The following DOCK4 variants were observed in gnomAD, a reference collection of about 807,000 sequenced individuals.
DOCK4 encodes dedicator of cytokinesis protein 4.
DOCK4 carries 97 observed loss-of-function variants against 268.1 expected under a neutral mutation model. The observed-to-expected ratio is 0.36, with a 90% CI of 0.31 to 0.43. The LOEUF is 0.43. Ranked by LOEUF, DOCK4 falls within the 20% of genes least tolerant of loss-of-function variation. The probability of loss-of-function intolerance (pLI) is 1.00; values close to 1 mark genes in which losing one functional copy is unlikely to be tolerated. For synonymous variants in DOCK4, 954 were observed against 887.2 expected (o/e 1.08, Z -1.34); for missense variants, 2,145 against 2,455.7 (o/e 0.87, Z 2.67).
chr7:112,011,575 TAAC>T (rs1481562837), intron 1 of DOCK4, among the ~76,000 whole-genome samples: 33 of 151,426 alleles, frequency 2.2e-4, no homozygotes, highest in Admixed American at 1.8e-3. Flanking sequence ...GGAAGAGAAT[TAAC>T]AACATCAGGA....
chr7:111,787,749 A>G (rs1454012496), intron 32 of DOCK4, among the ~76,000 whole-genome samples: 1 of 152,214 alleles, frequency 6.6e-6, no homozygotes, highest in Admixed American at 6.5e-5. Context: ...ACTTGGGCAT[A>G]AATACAAACA....
intron 13 of DOCK4, among the ~76,000 whole-genome samples, chr7:111,905,651 C>T (rs890366981): frequency 2.0e-5 from 3 of 150,954 alleles, no homozygotes; most frequent in Non-Finnish European, 2.9e-5. Flanking sequence ...ACTGTCCCAG[C>T]GGCTTTATCT....
chr7:112,130,877 T>C (rs1339558648), intron 1 of DOCK4, among the ~76,000 whole-genome samples: 1 of 152,252 alleles, frequency 6.6e-6, no homozygotes, highest in African/African-American at 2.4e-5. Context: ...GCGTGGGCAG[T>C]AATTCACAGT....
chr7:112,092,990 T>C (rs1809774699), intron 1 of DOCK4, among the ~76,000 whole-genome samples: 1 of 152,134 alleles, frequency 6.6e-6, no homozygotes, highest in Non-Finnish European at 1.5e-5. Context: ...CAAACTTCAG[T>C]TTATCAATAG....
At chr7:111,958,627 G>A (rs1190098547) in intron 8 of DOCK4, among the ~76,000 whole-genome samples, 2 of 152,168 alleles carry the variant, frequency 1.3e-5, no homozygotes, top group Non-Finnish European at 2.9e-5. Flanking sequence ...AGCTTAGAGT[G>A]AAAGGGAAAG....
intron 27 of DOCK4, chr7:111,820,644 C>T (rs1425542840): frequency 1.3e-5 from 2 of 152,166 alleles, no homozygotes; most frequent in Non-Finnish European, 2.9e-5. Context: ...CAAAAAGCCA[C>T]ATGGTTGTTA....
chr7:112,018,085 A>C (rs1461153254), intron 1 of DOCK4, among the ~76,000 whole-genome samples: 1 of 135,376 alleles, frequency 7.4e-6, no homozygotes, highest in African/African-American at 2.7e-5. Context: ...GCTACTCAGG[A>C]GGCTGAGGCA....
intron 10 of DOCK4, 103 bp from the exon 11 acceptor site, chr7:111,940,345 G>C: frequency 6.7e-7 from 1 of 1,485,794 alleles, no homozygotes; most frequent in East Asian, 2.3e-5. Context: ...AAATGTAATT[G>C]GGCAATAAAG....
intron 1 of DOCK4, among the ~76,000 whole-genome samples, chr7:112,167,589 T>C (rs1164270681): frequency 6.6e-6 from 1 of 152,238 alleles, no homozygotes; most frequent in Non-Finnish European, 1.5e-5. Flanking sequence ...GATATTGTCA[T>C]ACATATTCAA....
At chr7:112,132,010 G>C in intron 1 of DOCK4, among the ~76,000 whole-genome samples, 1 of 152,208 alleles carries the variant, frequency 6.6e-6, no homozygotes, top group East Asian at 1.9e-4. Context: ...TTGTGAGCCT[G>C]AAAGGCTTTC....
chr7:111,873,630 A>G (rs1438845170), intron 17 of DOCK4, among the ~76,000 whole-genome samples: 6 of 152,156 alleles, frequency 3.9e-5, no homozygotes, highest in African/African-American at 1.4e-4. Context: ...AAAAACTCCA[A>G]ACCCCCCAAA....
At chr7:112,026,943 C>T (rs1286234270) in intron 1 of DOCK4, among the ~76,000 whole-genome samples, 2 of 152,086 alleles carry the variant, frequency 1.3e-5, no homozygotes, top group Non-Finnish European at 2.9e-5. Context: ...GAAAGTGACT[C>T]GAGGTGGGAG....
intron 1 of DOCK4, among the ~76,000 whole-genome samples, chr7:112,005,040 T>C (rs888796956): frequency 6.6e-6 from 1 of 151,960 alleles, no homozygotes. Context: ...ATGAAGAAAA[T>C]GCATTTCAAC....
intron 1 of DOCK4, among the ~76,000 whole-genome samples, chr7:112,160,456 G>A (rs1336430667): frequency 6.6e-6 from 1 of 152,136 alleles, no homozygotes; most frequent in Non-Finnish European, 1.5e-5. Context: ...GGGATTCTTG[G>A]GGCAAATTTT....
At chr7:111,970,907 C>A (rs1187024778) in intron 8 of DOCK4, among the ~76,000 whole-genome samples, 1 of 152,128 alleles carries the variant, frequency 6.6e-6, no homozygotes, top group Non-Finnish European at 1.5e-5. Flanking sequence ...TACTGGGCCA[C>A]CTTCAGGGAT....
At chr7:112,066,962 T>A (rs113834843) in intron 1 of DOCK4, among the ~76,000 whole-genome samples, 1 of 149,262 alleles carries the variant, frequency 6.7e-6, no homozygotes, top group East Asian at 2.0e-4. Flanking sequence ...CTGGGCAATA[T>A]GGCAAAACCC....
chr7:111,772,399 G>A (rs1434309416), intron 36 of DOCK4, among the ~76,000 whole-genome samples: 1 of 152,120 alleles, frequency 6.6e-6, no homozygotes, highest in East Asian at 1.9e-4. Context: ...TTCTGTCGGT[G>A]GATGGTGGTA....
At chr7:111,885,174 G>A (rs1807731612) in intron 16 of DOCK4, among the ~76,000 whole-genome samples, 1 of 152,196 alleles carries the variant, frequency 6.6e-6, no homozygotes, top group East Asian at 1.9e-4. Context: ...GTGGTTGGGT[G>A]CTTAAATGCC....
chr7:111,962,353 T>C (rs1442425323), intron 8 of DOCK4, among the ~76,000 whole-genome samples: 2 of 152,198 alleles, frequency 1.3e-5, no homozygotes, highest in African/African-American at 4.8e-5. Flanking sequence ...AATTATCAGG[T>C]AGAAAGTATT....
Sources: gnomAD v4.1 joint callset for allele counts (sites outside exome capture counted in the v4.1 genomes callset) on GRCh38, gnomAD v4.1.1 for gene constraint, MANE v1.5 for transcripts, NCBI Gene and HGNC (gene_info 2026-07-23, HGNC 2026-07-21) for gene names.